The following SLC22A4 variants were observed in gnomAD, a reference collection of about 807,000 sequenced individuals.
SLC22A4 encodes solute carrier family 22 member 4.
A neutral mutation model predicts 56.6 loss-of-function variants in SLC22A4; 39 were observed. That is an observed-to-expected ratio of 0.69 (90% CI 0.53 to 0.90). The LOEUF (loss-of-function observed/expected upper bound fraction) is 0.90, where lower values mean the gene tolerates loss of function less well. SLC22A4 is among the 40% of genes least tolerant of loss of function. The probability of loss-of-function intolerance (pLI) is 0.00; values close to 1 mark genes in which losing one functional copy is unlikely to be tolerated. For missense variants in SLC22A4, 594 were observed against 696.5 expected (o/e 0.85, Z 1.66); for synonymous variants, 241 against 281.4 (o/e 0.86, Z 1.44).
intron 8 of SLC22A4, among the ~76,000 whole-genome samples, chr5:132,336,791 A>ATG (rs1046785179): frequency 2.0e-5 from 3 of 152,112 alleles, no homozygotes; most frequent in Non-Finnish European, 4.4e-5. Context: ...TTATATATAT[A>ATG]TGTGTGTGTG....
chr5:132,294,582 C>T lies in SLC22A4; in HGVS notation c.-35C>T. 3 of 1,614,028 alleles carry T rather than the reference C, an allele frequency of 1.9e-6. No individual in the cohort carries two copies. The highest frequency in any genetic ancestry group is 2.5e-6 in the Non-Finnish European group (3 of 1,180,018). ...ACTGTCCTGAGAACGCTGTCATCACCCGTAGTTGCAAGTTTCGGAGCGGCA... is the reference window on the plus strand; with the variant it reads ...ACTGTCCTGAGAACGCTGTCATCACTCGTAGTTGCAAGTTTCGGAGCGGCA... On this transcript the variant is annotated 5_prime_UTR_variant, in exon 1 of 10. Transcript: ENST00000200652. The surrounding 1 kb of genome is among the most constrained non-coding windows in gnomAD (Gnocchi z 5.6).
At chr5:132,321,533 C>T (rs893521101) in intron 3 of SLC22A4, among the ~76,000 whole-genome samples, 4 of 152,162 alleles carry the variant, frequency 2.6e-5, no homozygotes, top group African/African-American at 9.7e-5. Flanking sequence ...CATGTTGGGG[C>T]TCTTATTTTG....
intron 5 of SLC22A4, among the ~76,000 whole-genome samples, chr5:132,328,867 A>G (rs990022570): frequency 6.7e-6 from 1 of 149,366 alleles, no homozygotes; most frequent in Non-Finnish European, 1.5e-5. Context: ...ACACACACAC[A>G]CGCATATATA....
At chr5:132,301,784 G>A (rs1408205509) in intron 1 of SLC22A4, among the ~76,000 whole-genome samples, 1 of 152,182 alleles carries the variant, frequency 6.6e-6, no homozygotes, top group Non-Finnish European at 1.5e-5. Context: ...GGTAGGCCCC[G>A]ACAAAAGGGG....
At chr5:132,298,673 G>C (rs1749834010) in intron 1 of SLC22A4, among the ~76,000 whole-genome samples, 1 of 152,190 alleles carries the variant, frequency 6.6e-6, no homozygotes, top group Non-Finnish European at 1.5e-5. Context: ...GTTGTTGGGA[G>C]GACTCAGTGA....
chr5:132,327,180 A>G, intron 4 of SLC22A4, 97 bp from the exon 5 acceptor site: 1 of 1,017,560 alleles, frequency 9.8e-7, no homozygotes, highest in African/African-American at 1.6e-5. Context: ...ACAAACTAGA[A>G]TTTTACAAAA....
chr5:132,334,867 A>T lies in SLC22A4; in HGVS notation c.1196A>T (p.Tyr399Phe). 1 of 1,613,964 alleles carries T rather than the reference A, an allele frequency of 6.2e-7. No individual in the cohort carries two copies. The part of the protein sequence containing the change: ...WLLLRTLPRR[Y>F]IIAAVLFWGG... Reference sequence around the variant, plus strand: ...CTATTGCGAACCCTGCCCAGGCGTTATATCATAGCTGCAGTACTGTTCTGG... The same window carrying T: ...CTATTGCGAACCCTGCCCAGGCGTTTTATCATAGCTGCAGTACTGTTCTGG... Residue 399 changes from tyrosine (Y) to phenylalanine (F), a missense_variant, in exon 7 of 10, where the codon TAT becomes TTT. Coordinates refer to ENST00000200652, the MANE Select transcript of SLC22A4 (RefSeq NM_003059.3).
At chr5:132,334,409 G>T (rs145639848) in intron 6 of SLC22A4, among the ~76,000 whole-genome samples, 1 of 152,290 alleles carries the variant, frequency 6.6e-6, no homozygotes, top group East Asian at 1.9e-4. Flanking sequence ...AAAAGTTATT[G>T]TTGAATATTG....
At chr5:132,341,285 G>C (rs1293956363) in intron 9 of SLC22A4, among the ~76,000 whole-genome samples, 1 of 151,894 alleles carries the variant, frequency 6.6e-6, no homozygotes. Context: ...GGGCATGGTG[G>C]CACACACCTG....
intron 1 of SLC22A4, among the ~76,000 whole-genome samples, chr5:132,300,081 G>C (rs1580818608): frequency 6.6e-6 from 1 of 152,092 alleles, no homozygotes; most frequent in Non-Finnish European, 1.5e-5. Flanking sequence ...TCATGATCTT[G>C]ACATTTTTAT....
intron 5 of SLC22A4, 89 bp downstream of exon 5, chr5:132,327,492 C>T (rs1036379450): frequency 2.7e-6 from 3 of 1,105,454 alleles, no homozygotes; most frequent in Non-Finnish European, 4.2e-6. Context: ...GTTAAGTGCC[C>T]ACTATGTACC....
chr5:132,343,759 G>T lies in SLC22A4; in HGVS notation c.1581-1G>T, dbSNP rs1046955346. The stretch of plus-strand genomic sequence containing the variant: ...TTCCTTAGCATCTATTTTATTTTCA[G>T]GTTCAGATCTGGGAAAAAAACAAGA... On this transcript the variant is annotated splice_acceptor_variant, in intron 9 of 9. Transcript: ENST00000200652. LOFTEE classifies it high-confidence loss of function. The T allele has an allele frequency of 2.5e-6, 4 of 1,586,388 alleles. No individual in the cohort carries two copies. The highest frequency in any genetic ancestry group is 2.6e-6 in the Non-Finnish European group (3 of 1,155,286).
rs1749745533 is a variant in SLC22A4, at chr5:132,294,998, G to A, written c.382G>A (p.Val128Ile). 1 of 1,606,316 alleles carries A rather than the reference G, an allele frequency of 6.2e-7. No homozygotes were observed. The highest frequency in any genetic ancestry group is 8.5e-7 in the Non-Finnish European group (1 of 1,177,092). ...CAGCCAGGACGTCTACCTGTCCACC[G>A]TCGTGACCGAGGTGGGTGCCAGGCC... ...EFSQDVYLSTVVTEWNLVCED... is the reference protein window; with the variant it reads ...EFSQDVYLSTIVTEWNLVCED... The change falls in exon 1 of 10, where the codon GTC becomes ATC. Residue 128 changes from valine to isoleucine, a missense_variant. Physicochemically the swap from Val to Ile is conservative, Grantham distance 29. Coordinates refer to ENST00000200652, the MANE Select transcript of SLC22A4 (RefSeq NM_003059.3). This position sits in a 1 kb window ranked among gnomAD's most constrained non-coding sequence, Gnocchi z 5.6.
intron 4 of SLC22A4, among the ~76,000 whole-genome samples, chr5:132,326,505 C>T (rs888464959): frequency 2.0e-5 from 3 of 152,052 alleles, no homozygotes; most frequent in Non-Finnish European, 2.9e-5. Context: ...ACCATCTGTA[C>T]TGACAATAGG....
At chr5:132,340,750 A>G (rs1215073920) in intron 9 of SLC22A4, 50 bp downstream of exon 9, 1 of 1,541,976 alleles carries the variant, frequency 6.5e-7, no homozygotes, top group South Asian at 1.1e-5. Flanking sequence ...AGGGAGAATA[A>G]GCATGGAAGA....
intron 1 of SLC22A4, chr5:132,311,263 A>G (rs1750172580): frequency 6.6e-6 from 1 of 152,238 alleles, no homozygotes; most frequent in Non-Finnish European, 1.5e-5. Context: ...CCCAAAACCC[A>G]AGCCCAAAGT....
intron 3 of SLC22A4, among the ~76,000 whole-genome samples, chr5:132,316,270 C>T (rs1427617182): frequency 6.6e-6 from 1 of 152,146 alleles, no homozygotes; most frequent in Non-Finnish European, 1.5e-5. Context: ...ACAGTCGTAG[C>T]AGACTAGAAA....
chr5:132,313,316 G>A (rs1750237442), intron 2 of SLC22A4, among the ~76,000 whole-genome samples: 1 of 152,178 alleles, frequency 6.6e-6, no homozygotes, highest in Non-Finnish European at 1.5e-5. Flanking sequence ...GAAATGTGCT[G>A]GTAGCATCTA....
chr5:132,306,386 TA>T (rs371599858), intron 1 of SLC22A4, among the ~76,000 whole-genome samples: 117 of 1,788 alleles, frequency 0.065, no homozygotes, highest in African/African-American at 0.13. Flanking sequence ...AACCGTGAAA[TA>T]TATATATATA....
Sources: gnomAD v4.1 joint callset for allele counts (sites outside exome capture counted in the v4.1 genomes callset) on GRCh38, gnomAD v4.1.1 for gene constraint, Gnocchi (gnomAD v3.1) non-coding constraint, MANE v1.5 for transcripts, NCBI Gene and HGNC (gene_info 2026-07-23, HGNC 2026-07-21) for gene names.